The following SPMIP4 variants were observed in gnomAD, a reference collection of about 807,000 sequenced individuals.
SPMIP4 encodes the protein sperm microtubule inner protein 4.
At chr7:25,142,482 G>C in the SPMIP4 span, 3 of 866,626 alleles carry the variant, frequency 3.5e-6, no homozygotes, top group Admixed American at 9.5e-5. Flanking sequence ...TACCTATGAA[G>C]AGAAATTTAC....
chr7:25,151,011 T>C, the SPMIP4 span, among the ~76,000 whole-genome samples: 6 of 152,232 alleles, frequency 3.9e-5, no homozygotes, highest in Admixed American at 2.6e-4. Context: ...ACTGGAGGTA[T>C]TATAAGTTGT....
At chr7:25,130,557 G>C in the SPMIP4 span, among the ~76,000 whole-genome samples, 1 of 152,092 alleles carries the variant, frequency 6.6e-6, no homozygotes, top group South Asian at 2.1e-4. Flanking sequence ...CAGATGTTCC[G>C]CCCACGTCAG....
At chr7:25,136,815 G>A in the SPMIP4 span, 1 of 1,588,928 alleles carries the variant, frequency 6.3e-7, no homozygotes, top group South Asian at 1.1e-5. The surrounding 1 kb of genome is among the most constrained non-coding windows in gnomAD (Gnocchi z 5.7). Context: ...GGATAAAAAG[G>A]AGAAAAAAAT....
At chr7:25,139,352 C>T in the SPMIP4 span, among the ~76,000 whole-genome samples, 1 of 151,308 alleles carries the variant, frequency 6.6e-6, no homozygotes, top group Non-Finnish European at 1.5e-5. Context: ...ACAAGCATAG[C>T]AAAATGTTAG....
At chr7:25,168,400 C>A in the SPMIP4 span, 2 of 1,612,140 alleles carry the variant, frequency 1.2e-6, no homozygotes, top group African/African-American at 2.7e-5. Flanking sequence ...TATTATCCCA[C>A]CATACTCTCT....
At chr7:25,168,230 G>A in the SPMIP4 span, 160,507 of 1,458,704 alleles carry the variant, frequency 0.11, 11,016 homozygotes, top group African/African-American at 0.32. Flanking sequence ...GACTCACAAT[G>A]GAAGTAAAGA....
the SPMIP4 span, among the ~76,000 whole-genome samples, chr7:25,161,796 G>GAA: frequency 0.83 from 125,030 of 151,446 alleles, 52,057 homozygotes; most frequent in Middle Eastern, 0.92. Flanking sequence ...GTATTCATTT[G>GAA]AAATTATTCA....
the SPMIP4 span, among the ~76,000 whole-genome samples, chr7:25,152,186 C>T: frequency 1.3e-5 from 2 of 152,094 alleles, no homozygotes; most frequent in Admixed American, 1.3e-4. Context: ...GGGGGCTCAA[C>T]AAATACATTT....
At chr7:25,170,523 T>C in the SPMIP4 span, among the ~76,000 whole-genome samples, 1 of 152,262 alleles carries the variant, frequency 6.6e-6, no homozygotes, top group South Asian at 2.1e-4. Context: ...CAAAAAAGTT[T>C]TTTAATTTTG....
chr7:25,147,558 C>T, the SPMIP4 span, among the ~76,000 whole-genome samples: 1 of 152,040 alleles, frequency 6.6e-6, no homozygotes, highest in Non-Finnish European at 1.5e-5. Flanking sequence ...CTGCTCAAGG[C>T]ACAGCTGCTG....
the SPMIP4 span, chr7:25,161,102 A>T: frequency 1.4e-6 from 1 of 725,996 alleles, no homozygotes; most frequent in Non-Finnish European, 2.2e-6. Context: ...AAAAGTCCCC[A>T]TTTGGGGCTT....
At chr7:25,160,054 T>C in the SPMIP4 span, among the ~76,000 whole-genome samples, 2 of 152,090 alleles carry the variant, frequency 1.3e-5, no homozygotes, top group East Asian at 3.9e-4. Context: ...AAAGATAAAA[T>C]GAAAGTAACA....
At chr7:25,139,171 A>C in the SPMIP4 span, among the ~76,000 whole-genome samples, 1 of 152,214 alleles carries the variant, frequency 6.6e-6, no homozygotes, top group Non-Finnish European at 1.5e-5. Context: ...AAGAAAAAAA[A>C]ACCGCAAACA....
At chr7:25,156,604 G>A in the SPMIP4 span, among the ~76,000 whole-genome samples, 1 of 152,224 alleles carries the variant, frequency 6.6e-6, no homozygotes, top group Admixed American at 6.5e-5. Context: ...GACTCCTGTG[G>A]CACGGAGGAT....
chr7:25,143,583 C>CTTT, the SPMIP4 span, among the ~76,000 whole-genome samples: 69 of 110,686 alleles, frequency 6.2e-4, 1 homozygote, highest in Non-Finnish European at 2.7e-4. Flanking sequence ...AGTAAAGACA[C>CTTT]TTTTTTTTTT....
the SPMIP4 span, among the ~76,000 whole-genome samples, chr7:25,138,512 C>T: frequency 1.3e-5 from 2 of 152,112 alleles, no homozygotes; most frequent in African/African-American, 4.8e-5. This position sits in a 1 kb window ranked among gnomAD's most constrained non-coding sequence, Gnocchi z 6.2. Flanking sequence ...GATTACAGGC[C>T]TGAGCCACTG....
chr7:25,146,736 A>G, the SPMIP4 span, among the ~76,000 whole-genome samples: 1 of 152,356 alleles, frequency 6.6e-6, no homozygotes, highest in Admixed American at 6.5e-5. Context: ...CTGGGTTGTA[A>G]TGAACACTGT....
At chr7:25,140,127 A>G in the SPMIP4 span, among the ~76,000 whole-genome samples, 1 of 152,288 alleles carries the variant, frequency 6.6e-6, no homozygotes, top group Admixed American at 6.5e-5. Flanking sequence ...TGTTCATATA[A>G]TATTTTCTAT....
chr7:25,156,741 GC>G, the SPMIP4 span, among the ~76,000 whole-genome samples: 1 of 152,142 alleles, frequency 6.6e-6, no homozygotes, highest in African/African-American at 2.4e-5. Flanking sequence ...AGGCTGGAGT[GC>G]AATGGCAGGA....
Sources: gnomAD v4.1 joint callset for allele counts (sites outside exome capture counted in the v4.1 genomes callset) on GRCh38, gnomAD v4.1.1 for gene constraint, Gnocchi (gnomAD v3.1) non-coding constraint, MANE v1.5 for transcripts, NCBI Gene and HGNC (gene_info 2026-07-23, HGNC 2026-07-21) for gene names.